Variants in IQSEC2 observed in about 807,000 individuals in gnomAD.
IQSEC2 encodes IQ motif and SEC7 domain-containing protein 2.
A neutral mutation model predicts 74.6 loss-of-function variants in IQSEC2; 6 were observed. That is an observed-to-expected ratio of 0.08 (90% CI 0.04 to 0.16). The LOEUF (loss-of-function observed/expected upper bound fraction) is 0.16. Ranked by LOEUF, IQSEC2 falls within the 10% of genes least tolerant of loss-of-function variation. The probability of loss-of-function intolerance (pLI) is 1.00; values close to 1 mark genes in which losing one functional copy is unlikely to be tolerated. For missense variants in IQSEC2, 734 were observed against 1,306.2 expected, an observed-to-expected ratio of 0.56 and a Z score of 6.75; for synonymous variants, 494 against 544.5, an observed-to-expected ratio of 0.91 and a Z score of 1.29.
rs1569301770 is a variant in IQSEC2 at position 53,250,423 on chromosome X, C to T, written c.2153G>A (p.Arg718Gln). The T allele has an allele frequency of 1.7e-6, 2 of 1,211,703 alleles. No individual in the cohort carries two copies. The highest frequency in any genetic ancestry group is 1.7e-5 in the African/African-American group (1 of 57,860). Reference sequence around the variant, plus strand: ...AGCCGGAGGCTCCCTTAGACTGTCCCGAGAAGAGGAGCCGGAGCTGCAGTT... The same window carrying T: ...AGCCGGAGGCTCCCTTAGACTGTCCTGAGAAGAGGAGCCGGAGCTGCAGTT... Reference protein sequence around the residue: ...TINCSSGSSSRDSLREPPATG... With the variant: ...TINCSSGSSSQDSLREPPATG... The change falls in exon 5 of 15, where the codon CGG becomes CAG. Residue 718 changes from arginine to glutamine, a missense_variant. By Grantham distance (43) the Arg-to-Gln change is conservative (BLOSUM62 1). Transcript: ENST00000642864.
Position 53,246,610 on chromosome X carries a change from C to T in IQSEC2, c.2749+359G>A, listed in dbSNP as rs782484720. Among the ~76,000 whole-genome samples the T allele has an allele frequency of 4.5e-5, 5 of 111,496 alleles. No individual in the cohort carries two copies. The South Asian group carries it at 1.9e-3, about 42-fold the overall frequency. On this transcript the variant is annotated intron_variant, in intron 8 of 14. Transcript: ENST00000642864. ...AGGTACCTAAAATAATTAAATGAGT[C>T]CTCATGGGCATAAATAAGAGAGGGA...
In IQSEC2 at chrX:53,256,021, C is replaced by A. The variant is rs1556865162; in HGVS notation, c.778G>T (p.Val260Phe). Residue 260 changes from valine to phenylalanine, a missense_variant, in exon 3 of 15, where the codon GTT becomes TTT. Physicochemically the swap from Val to Phe is conservative, Grantham distance 50. This residue lies in a region of IQSEC2 where 54 missense variants were observed against 62.1 expected (regional missense o/e 0.87). Transcript: ENST00000642864. ...GGGGGTTGGCTCCCAGGACTATCAA[C>A]CGCTGTGCTCAGGTCACTGCCTGGG... Reference protein sequence around the residue: ...DAPGSDLSTAVDSPGSQPPYR... With the variant: ...DAPGSDLSTAFDSPGSQPPYR... 8.4e-7 allele frequency: 1 copy of A among 1,184,198 alleles called. No individual in the cohort carries two copies. Among genetic ancestry groups the A allele is most frequent in the Admixed American group, 2.3e-5 (1 of 43,215 alleles).
intron 2 of IQSEC2, among the ~76,000 whole-genome samples, chrX:53,283,960 C>T (rs961558777): frequency 9.9e-5 from 11 of 111,579 alleles, no homozygotes; most frequent in Non-Finnish European, 2.1e-4. Context: ...GGTGGTATTT[C>T]CAGCAAGCAC....
At chrX:53,242,110 T>G (rs1602269120) in intron 9 of IQSEC2, among the ~76,000 whole-genome samples, 1 of 111,690 alleles carries the variant, frequency 9.0e-6, no homozygotes, top group African/African-American at 3.3e-5. Flanking sequence ...CTTGCCCAGC[T>G]CTGCATGGTC....
intron 2 of IQSEC2, among the ~76,000 whole-genome samples, chrX:53,260,453 G>A (rs2074552440): frequency 8.9e-6 from 1 of 111,961 alleles, no homozygotes; most frequent in African/African-American, 3.2e-5. Context: ...TGCTCTGATT[G>A]AGGTGAGCAG....
intron 2 of IQSEC2, chrX:53,279,327 T>C (rs2074899651): frequency 1.0e-5 from 4 of 394,665 alleles, no homozygotes; most frequent in Middle Eastern, 6.7e-4. Context: ...GACCAACCAC[T>C]CAGGCCTTTT....
At chrX:53,247,208 G>A (rs1556862248) in intron 7 of IQSEC2, 73 bp from the exon 8 acceptor site, 3 of 1,012,158 alleles carry the variant, frequency 3.0e-6, no homozygotes, top group South Asian at 2.0e-5. Context: ...CACCCAGTCT[G>A]GCACCAGCAA....
At chrX:53,281,629 G>GGGGCCAGGCCAGCTGGGCTGC in intron 2 of IQSEC2, 1 of 944,139 alleles carries the variant, frequency 1.1e-6, no homozygotes, top group Non-Finnish European at 1.4e-6. Context: ...CCAAGAAGGC[G>GGGGCCAGGCCAGCTGGGCTGC]GGGCCAGGCC....
chrX:53,274,452 CTTTTTTT>C (rs66510453), intron 2 of IQSEC2, among the ~76,000 whole-genome samples: 4 of 47,113 alleles, frequency 8.5e-5, no homozygotes, highest in Admixed American at 4.0e-4. Flanking sequence ...AGTTACATTT[CTTTTTTT>C]TTTTTTTTTT....
intron 1 of IQSEC2, among the ~76,000 whole-genome samples, chrX:53,310,127 C>T (rs782513581): frequency 2.4e-4 from 27 of 111,456 alleles, no homozygotes; most frequent in Non-Finnish European, 3.8e-4. Flanking sequence ...TGGTGGCTCA[C>T]GCTTATAATC....
intron 1 of IQSEC2, among the ~76,000 whole-genome samples, chrX:53,310,152 G>T (rs782590668): frequency 9.0e-6 from 1 of 111,168 alleles, no homozygotes; most frequent in Non-Finnish European, 1.9e-5. Context: ...CACTTTAGGG[G>T]GCCGAAGTGG....
chrX:53,249,807 C>G (rs1175749921), intron 5 of IQSEC2, among the ~76,000 whole-genome samples: 1 of 111,867 alleles, frequency 8.9e-6, no homozygotes, highest in Non-Finnish European at 1.9e-5. Context: ...GCACACCACC[C>G]TGCCCCCAAC....
At chrX:53,273,778 T>C (rs1262070417) in intron 2 of IQSEC2, among the ~76,000 whole-genome samples, 2 of 112,396 alleles carry the variant, frequency 1.8e-5, no homozygotes, top group Non-Finnish European at 1.9e-5. Flanking sequence ...AGCTACCTTT[T>C]CTTTGGATCT....
chrX:53,280,643 C>G (rs1452039349), intron 2 of IQSEC2, among the ~76,000 whole-genome samples: 2 of 110,266 alleles, frequency 1.8e-5, no homozygotes, highest in African/African-American at 3.3e-5. Flanking sequence ...CCACACTCCA[C>G]CCCTGATGCT....
rs782044204 is a variant in IQSEC2 at position 53,273,866 on chromosome X, A to AT, written c.738-17806dup. On this transcript the variant is annotated intron_variant, in intron 2 of 14. Transcript: ENST00000642864. ...ACTGATAGACATTTAGGTTGTTTTA[A>AT]TTTTTCAGTATCACAAGCAATGCTG... Among the ~76,000 whole-genome samples, 5 of 112,192 alleles carry AT rather than the reference A, an allele frequency of 4.5e-5. No homozygotes were observed. In the South Asian group the frequency reaches 1.9e-3, roughly 42 times the overall value.
chrX:53,278,003 C>T (rs868909080), intron 2 of IQSEC2, among the ~76,000 whole-genome samples: 2 of 37,572 alleles, frequency 5.3e-5, no homozygotes, highest in African/African-American at 1.2e-4. Context: ...TTTTCTTTTT[C>T]TTTTTTTTTT....
At chrX:53,263,703 G>A (rs1443940543) in intron 2 of IQSEC2, among the ~76,000 whole-genome samples, 1 of 111,510 alleles carries the variant, frequency 9.0e-6, no homozygotes, top group Non-Finnish European at 1.9e-5. Context: ...GGTCCTTCTG[G>A]GAAGTCAATG....
intron 2 of IQSEC2, among the ~76,000 whole-genome samples, chrX:53,287,012 A>G (rs374772082): frequency 9.1e-6 from 1 of 109,865 alleles, no homozygotes; most frequent in Admixed American, 9.7e-5. Flanking sequence ...CAGGCAAGCC[A>G]TGAGAGATGG....
intron 2 of IQSEC2, chrX:53,266,621 C>A: frequency 1.2e-6 from 1 of 810,375 alleles, no homozygotes; most frequent in African/African-American, 2.2e-5. Context: ...ATTTGGAGAC[C>A]TCTCCAGTAG....
Sources: allele counts gnomAD v4.1 joint callset (sites outside exome capture counted in the v4.1 genomes callset), GRCh38; gene constraint gnomAD v4.1.1; regional missense constraint gnomAD v4.1.1; transcripts MANE v1.5; gene names NCBI Gene and HGNC (gene_info 2026-07-23, HGNC 2026-07-21).